ESR1: variants seen among roughly 807,000 people sequenced by gnomAD.
The protein encoded by ESR1 is estrogen receptor.
Under a neutral mutation model 52.7 loss-of-function variants are expected in ESR1, and 12 were observed. That is an observed-to-expected ratio of 0.23 (90% CI 0.15 to 0.37). The LOEUF (loss-of-function observed/expected upper bound fraction) is 0.37, where lower values mean the gene tolerates loss of function less well. Ranked by LOEUF, ESR1 falls within the 10% of genes least tolerant of loss-of-function variation. The pLI is 1.00. For synonymous variants in ESR1, 305 were observed against 316.8 expected (o/e 0.96, Z 0.39); for missense variants, 584 against 779.7 (o/e 0.75, Z 2.99).
At chr6:151,791,282 G>A (rs1776126821) in intron 2 of ESR1, among the ~76,000 whole-genome samples, 1 of 152,196 alleles carries the variant, frequency 6.6e-6, no homozygotes, top group East Asian at 1.9e-4. Context: ...ATTGAATCAC[G>A]GGGGCGGGTC....
chr6:151,806,523 T>A (rs2128150546), upstream of ESR1, among the ~76,000 whole-genome samples: 1 of 131,386 alleles, frequency 7.6e-6, no homozygotes. Context: ...TTTTGTCTCC[T>A]TAATATGTAT....
intron 4 of ESR1, among the ~76,000 whole-genome samples, chr6:151,995,072 A>G (rs1236628534): frequency 6.6e-6 from 1 of 152,062 alleles, no homozygotes; most frequent in Admixed American, 6.6e-5. Context: ...GGAGGGTGAG[A>G]CCATGTGGAG....
upstream of ESR1, among the ~76,000 whole-genome samples, chr6:151,801,926 T>A (rs1385727389): frequency 3.9e-5 from 6 of 152,198 alleles, no homozygotes; most frequent in African/African-American, 1.4e-4. Context: ...TCATGGTCCA[T>A]AGAGATCATA....
chr6:152,119,345 A>G (rs577050969), intron 6 of ESR1, among the ~76,000 whole-genome samples: 33 of 151,890 alleles, frequency 2.2e-4, no homozygotes, highest in African/African-American at 8.0e-4. Flanking sequence ...CTGTGGGTCC[A>G]TTTTCCAGGA....
chr6:151,686,411 C>T (rs1221141540), upstream of ESR1, among the ~76,000 whole-genome samples: 2 of 152,116 alleles, frequency 1.3e-5, no homozygotes, highest in East Asian at 1.9e-4. Flanking sequence ...TGGGGCTGGA[C>T]GCAGTGGCTC....
At chr6:151,899,444 C>A (rs1372338669) in intron 3 of ESR1, among the ~76,000 whole-genome samples, 1 of 143,042 alleles carries the variant, frequency 7.0e-6, no homozygotes, top group Non-Finnish European at 1.5e-5. Flanking sequence ...GCGCCCCTCA[C>A]CTCCCGGACT....
At chr6:151,910,110 ACT>A (rs1256173202) in intron 3 of ESR1, among the ~76,000 whole-genome samples, 1 of 151,488 alleles carries the variant, frequency 6.6e-6, no homozygotes, top group Non-Finnish European at 1.5e-5. Context: ...CTAGTGTGAC[ACT>A]GTCTGATAGA....
chr6:151,668,197 C>G (rs914741427), intron 1 of ESR1, among the ~76,000 whole-genome samples: 6 of 152,194 alleles, frequency 3.9e-5, no homozygotes, highest in Admixed American at 1.3e-4. Flanking sequence ...TCAGTTTCTG[C>G]TTCATGCATG....
intron 6 of ESR1, among the ~76,000 whole-genome samples, chr6:152,086,160 A>C (rs2049699919): frequency 6.6e-6 from 1 of 152,166 alleles, no homozygotes; most frequent in Admixed American, 6.5e-5. Flanking sequence ...TGCATTTTCC[A>C]AATGTGTCTT....
chr6:151,691,106 T>A (rs575929907), intron 1 of ESR1, among the ~76,000 whole-genome samples: 1 of 152,358 alleles, frequency 6.6e-6, no homozygotes, highest in South Asian at 2.1e-4. Flanking sequence ...GAGCCATAAC[T>A]TACGTGAGTT....
intron 5 of ESR1, among the ~76,000 whole-genome samples, chr6:152,034,723 C>G (rs1442366568): frequency 1.3e-5 from 2 of 152,118 alleles, no homozygotes; most frequent in African/African-American, 4.8e-5. Flanking sequence ...GCTTTGTGGA[C>G]AGAAGTGCCA....
At chr6:152,089,046 G>T (rs1266462778) in intron 6 of ESR1, among the ~76,000 whole-genome samples, 1 of 152,106 alleles carries the variant, frequency 6.6e-6, no homozygotes, top group East Asian at 1.9e-4. Flanking sequence ...ACTTAACAAG[G>T]CCTTGGAGAT....
intron 1 of ESR1, among the ~76,000 whole-genome samples, chr6:151,676,027 G>C (rs973638398): frequency 3.3e-5 from 5 of 152,200 alleles, no homozygotes; most frequent in African/African-American, 1.2e-4. Flanking sequence ...GGTTTGGACT[G>C]CATCTGAGAA....
At chr6:152,056,705 C>G (rs375473936) in intron 5 of ESR1, among the ~76,000 whole-genome samples, 2 of 152,134 alleles carry the variant, frequency 1.3e-5, no homozygotes, top group African/African-American at 4.8e-5. Flanking sequence ...GAACAAGGCT[C>G]CCCACAAGGG....
At chr6:151,750,124 A>G (rs1783792105) in intron 2 of ESR1, among the ~76,000 whole-genome samples, 1 of 152,076 alleles carries the variant, frequency 6.6e-6, no homozygotes, top group Non-Finnish European at 1.5e-5. Context: ...ATATTTCTTC[A>G]TGGTTTAGTT....
chr6:151,674,458 T>G (rs989012945), intron 1 of ESR1, among the ~76,000 whole-genome samples: 1 of 152,220 alleles, frequency 6.6e-6, no homozygotes, highest in Non-Finnish European at 1.5e-5. Flanking sequence ...TGGTTCCAAG[T>G]CTTTGCTGTT....
chr6:151,845,660 A>G (rs866007952), intron 2 of ESR1, among the ~76,000 whole-genome samples: 40 of 152,200 alleles, frequency 2.6e-4, no homozygotes, highest in African/African-American at 8.7e-4. Context: ...TTACTGAAAC[A>G]GTAGCCTATA....
At chr6:151,943,367 G>A (rs1257736550) in intron 3 of ESR1, among the ~76,000 whole-genome samples, 1 of 148,668 alleles carries the variant, frequency 6.7e-6, no homozygotes, top group African/African-American at 2.5e-5. Context: ...GTGACACAGC[G>A]AGACTCCATC....
intron 6 of ESR1, among the ~76,000 whole-genome samples, chr6:152,121,185 T>C (rs1374080217): frequency 1.3e-5 from 2 of 152,210 alleles, no homozygotes; most frequent in African/African-American, 4.8e-5. Context: ...AAGTCCACTA[T>C]AGTAGGCAAG....
Sources: gnomAD v4.1 joint callset for allele counts (sites outside exome capture counted in the v4.1 genomes callset) on GRCh38, gnomAD v4.1.1 for gene constraint, MANE v1.5 for transcripts, NCBI Gene and HGNC (gene_info 2026-07-23, HGNC 2026-07-21) for gene names.